The following FHIT variants were observed in gnomAD, a reference collection of about 807,000 sequenced individuals.
The protein encoded by FHIT is bis(5'-adenosyl)-triphosphatase.
In FHIT, 19 loss-of-function variants were observed where a neutral mutation model predicts 17.9. The observed-to-expected ratio is 1.06, with a 90% confidence interval of 0.74 to 1.56. FHIT has a LOEUF of 1.56. Ranked by LOEUF, FHIT falls within the 40% of genes most tolerant of loss-of-function variation. FHIT has a pLI of 0.00. For synonymous variants in FHIT, 81 were observed against 69.7 expected (o/e 1.16, Z -0.81); for missense variants, 248 against 189.2 (o/e 1.31, Z -1.82).
intron 5 of FHIT, among the ~76,000 whole-genome samples, chr3:60,139,567 T>C (rs574834261): frequency 2.0e-5 from 3 of 152,262 alleles, no homozygotes; most frequent in East Asian, 1.9e-4. Context: ...CAGCTACTCA[T>C]TGATCACACA....
At chr3:60,236,034 G>A (rs944711415) in intron 5 of FHIT, among the ~76,000 whole-genome samples, 4 of 151,912 alleles carry the variant, frequency 2.6e-5, no homozygotes, top group Admixed American at 1.3e-4. Context: ...CTCTTCTGCT[G>A]CACGTAGTTC....
At chr3:59,859,456 G>A (rs1575600127) in intron 8 of FHIT, among the ~76,000 whole-genome samples, 2 of 152,186 alleles carry the variant, frequency 1.3e-5, no homozygotes, top group Non-Finnish European at 2.9e-5. Flanking sequence ...TGTGGCTCAC[G>A]CCTGTAATCC....
intron 5 of FHIT, among the ~76,000 whole-genome samples, chr3:60,535,574 C>G (rs1265078072): frequency 6.8e-6 from 1 of 147,366 alleles, no homozygotes; most frequent in Non-Finnish European, 1.5e-5. Flanking sequence ...TAGGGCTTTT[C>G]TAAATCATTC....
intron 4 of FHIT, among the ~76,000 whole-genome samples, chr3:60,579,175 A>G (rs1293261539): frequency 1.3e-5 from 2 of 152,168 alleles, no homozygotes; most frequent in African/African-American, 4.8e-5. Context: ...CACAAACATC[A>G]TAAGAGTGCA....
chr3:60,648,098 C>T lies in FHIT; in HGVS notation c.-17-111119G>A, dbSNP rs561160937. 3.3e-5 allele frequency among the ~76,000 whole-genome samples: 5 copies of T among 152,108 alleles called. No individual in the cohort carries two copies. In the South Asian group the frequency reaches 1.0e-3, roughly 32 times the overall value. On this transcript the variant is annotated intron_variant, in intron 4 of 9. Transcript: ENST00000492590. ...AGGAAAAAAGGGAAAAATGAGAGGACAGAGGATAGATGGGACGACAATGGG... is the reference window on the plus strand; with the variant it reads ...AGGAAAAAAGGGAAAAATGAGAGGATAGAGGATAGATGGGACGACAATGGG...
intron 2 of FHIT, among the ~76,000 whole-genome samples, chr3:61,157,143 T>C (rs1316232503): frequency 2.6e-5 from 4 of 152,114 alleles, no homozygotes; most frequent in African/African-American, 9.7e-5. Context: ...ATATATTCCT[T>C]TAAAGAAAAG....
Position 60,988,444 on chromosome 3 carries a change from T to C in FHIT, c.-111+53603A>G, listed in dbSNP as rs547687423. Reference sequence around the variant, plus strand: ...TGGATATTTAATAATTATGAATAATTACTACATAATCACAGGACAGAATAA... The same window carrying C: ...TGGATATTTAATAATTATGAATAATCACTACATAATCACAGGACAGAATAA... On this transcript the variant is annotated intron_variant, in intron 3 of 9. Coordinates refer to ENST00000492590, the MANE Select transcript of FHIT (RefSeq NM_002012.4). Among the ~76,000 whole-genome samples, 18 of 152,252 alleles carry C rather than the reference T, an allele frequency of 1.2e-4. No individual in the cohort carries two copies. The South Asian group carries it at 3.5e-3, about 30-fold the overall frequency.
At chr3:60,354,985 T>A (rs182621642) in intron 5 of FHIT, among the ~76,000 whole-genome samples, 87 of 152,330 alleles carry the variant, frequency 5.7e-4, no homozygotes, top group Non-Finnish European at 9.7e-4. Context: ...CAATCAGTTA[T>A]CTGTAAACTA....
chr3:60,771,611 T>C (rs1013534544), intron 4 of FHIT, among the ~76,000 whole-genome samples: 1 of 152,174 alleles, frequency 6.6e-6, no homozygotes, highest in Non-Finnish European at 1.5e-5. Flanking sequence ...AATACAGTCA[T>C]TTAAAAAGTG....
intron 4 of FHIT, among the ~76,000 whole-genome samples, chr3:60,733,328 G>C (rs539171531): frequency 3.5e-4 from 53 of 152,280 alleles, no homozygotes; most frequent in African/African-American, 1.3e-3. Context: ...GAAACTTCCA[G>C]ATTTTCTAGT....
chr3:59,989,719 C>T (rs1198573288), intron 7 of FHIT, among the ~76,000 whole-genome samples: 2 of 152,012 alleles, frequency 1.3e-5, no homozygotes, highest in Non-Finnish European at 2.9e-5. Flanking sequence ...TCTCAGGGAA[C>T]GTGAAGCTTC....
At chr3:60,235,653 C>T (rs898420272) in intron 5 of FHIT, among the ~76,000 whole-genome samples, 1 of 152,174 alleles carries the variant, frequency 6.6e-6, no homozygotes, top group Non-Finnish European at 1.5e-5. Flanking sequence ...TGACAGTCTA[C>T]AGTTACATGA....
chr3:59,898,121 A>G (rs951967830), intron 8 of FHIT, among the ~76,000 whole-genome samples: 2 of 152,160 alleles, frequency 1.3e-5, no homozygotes, highest in African/African-American at 4.8e-5. Flanking sequence ...AAAATTCCAC[A>G]TGTAGTGTTA....
intron 5 of FHIT, among the ~76,000 whole-genome samples, chr3:60,103,717 T>C (rs1704288797): frequency 6.6e-6 from 1 of 152,184 alleles, no homozygotes; most frequent in African/African-American, 2.4e-5. Context: ...ACTGGTCAGT[T>C]AGCCCTCTGC....
chr3:59,757,338 C>T (rs1410876741), intron 8 of FHIT, among the ~76,000 whole-genome samples: 1 of 152,180 alleles, frequency 6.6e-6, no homozygotes, highest in East Asian at 1.9e-4. Context: ...AAAAATCTAT[C>T]TTCAGTCATC....
chr3:59,893,991 G>A (rs1703960328), intron 8 of FHIT, among the ~76,000 whole-genome samples: 2 of 152,202 alleles, frequency 1.3e-5, no homozygotes, highest in South Asian at 4.1e-4. Flanking sequence ...CCAGCAGGGA[G>A]CAGTGGCTCA....
At chr3:60,623,939 C>G (rs989647051) in intron 4 of FHIT, among the ~76,000 whole-genome samples, 1 of 152,128 alleles carries the variant, frequency 6.6e-6, no homozygotes, top group Admixed American at 6.5e-5. Flanking sequence ...TGCTATACAA[C>G]GAGTAAAACA....
At chr3:60,504,846 T>G (rs1270206299) in intron 5 of FHIT, among the ~76,000 whole-genome samples, 1 of 152,174 alleles carries the variant, frequency 6.6e-6, no homozygotes, top group African/African-American at 2.4e-5. Flanking sequence ...TGATTTAATT[T>G]ATAATTATTT....
chr3:60,571,338 A>AAAT (rs2037374737), intron 4 of FHIT, among the ~76,000 whole-genome samples: 2 of 28,714 alleles, frequency 7.0e-5, no homozygotes, highest in East Asian at 3.8e-3. Context: ...TCCATCGCAA[A>AAAT]AAAAAAAAAA....
Sources: allele counts gnomAD v4.1 joint callset (sites outside exome capture counted in the v4.1 genomes callset), GRCh38; gene constraint gnomAD v4.1.1; transcripts MANE v1.5; gene names NCBI Gene and HGNC (gene_info 2026-07-23, HGNC 2026-07-21).